The following DMD variants were observed in gnomAD, a reference collection of about 807,000 sequenced individuals.
The protein encoded by DMD is dystrophin.
In DMD, 63 loss-of-function variants were observed where a neutral mutation model predicts 330.1. That is an observed-to-expected ratio of 0.19 (90% CI 0.16 to 0.24). The LOEUF (loss-of-function observed/expected upper bound fraction) is 0.24, where lower values mean the gene tolerates loss of function less well. Ranked by LOEUF, DMD falls within the 10% of genes least tolerant of loss-of-function variation. The pLI, the probability that DMD is intolerant of heterozygous loss-of-function variation, is 1.00. For missense variants in DMD, 3,344 were observed against 2,684.1 expected, an observed-to-expected ratio of 1.25 and a Z score of -5.43; for synonymous variants, 1,223 against 959.8, an observed-to-expected ratio of 1.27 and a Z score of -5.07.
intron 50 of DMD, among the ~76,000 whole-genome samples, chrX:31,815,029 A>G (rs1026673278): frequency 4.5e-5 from 5 of 112,327 alleles, no homozygotes; most frequent in African/African-American, 1.6e-4. Context: ...ACTGGATCTC[A>G]TTGGAATCCC....
intron 6 of DMD, among the ~76,000 whole-genome samples, chrX:32,811,619 T>C (rs2077374953): frequency 8.9e-6 from 1 of 111,761 alleles, no homozygotes; most frequent in East Asian, 2.8e-4. Flanking sequence ...GAAACTTACA[T>C]ACCATGTTAC....
intron 44 of DMD, among the ~76,000 whole-genome samples, chrX:32,052,871 G>A (rs143555994): frequency 0.025 from 2,805 of 110,881 alleles, 78 homozygotes; most frequent in African/African-American, 0.086. Flanking sequence ...CTTTAATTAC[G>A]CACTGAGGAA....
At chrX:32,892,379 GTTTGTTTTCGTTTTTTGTTT>G (rs1298776292) in intron 2 of DMD, among the ~76,000 whole-genome samples, 1 of 109,423 alleles carries the variant, frequency 9.1e-6, no homozygotes, top group African/African-American at 3.3e-5. Flanking sequence ...ATGTTGTTTT[GTTTGTTTTCGTTTTTTGTTT>G]TTTGTTTCTT....
At chrX:31,378,845 A>G (rs12009362) in intron 60 of DMD, among the ~76,000 whole-genome samples, 9,694 of 108,424 alleles carry the variant, frequency 0.089, 1,120 homozygotes, top group African/African-American at 0.31. Flanking sequence ...TTCAACTCAC[A>G]CCTGACCTAA....
chrX:31,361,243 G>A (rs777461555), intron 60 of DMD, among the ~76,000 whole-genome samples: 4 of 111,259 alleles, frequency 3.6e-5, no homozygotes, highest in Non-Finnish European at 5.6e-5. Context: ...TAACCCATAC[G>A]ATTTTAATCA....
At chrX:32,449,815 G>C (rs1322550473) in intron 26 of DMD, among the ~76,000 whole-genome samples, 1 of 110,199 alleles carries the variant, frequency 9.1e-6, no homozygotes, top group African/African-American at 3.3e-5. Flanking sequence ...CCTGACATTA[G>C]CTTTCAAATA....
At chrX:31,896,815 A>G (rs1004896145) in intron 47 of DMD, among the ~76,000 whole-genome samples, 61 of 112,358 alleles carry the variant, frequency 5.4e-4, no homozygotes, top group Non-Finnish European at 9.8e-4. Context: ...TATCTGACTT[A>G]TAAGTAGTAC....
chrX:31,396,339 G>A (rs375232988), intron 60 of DMD, among the ~76,000 whole-genome samples: 2 of 110,038 alleles, frequency 1.8e-5, no homozygotes, highest in African/African-American at 3.3e-5. Flanking sequence ...GGGTTTCACC[G>A]TGTTAGCCAG....
chrX:31,513,705 A>T (rs755659322), intron 55 of DMD, among the ~76,000 whole-genome samples: 1 of 111,779 alleles, frequency 8.9e-6, no homozygotes, highest in Non-Finnish European at 1.9e-5. Context: ...TAGTTGTTAC[A>T]TAACAAAAAC....
At chrX:31,243,608 C>T (rs1184331255) in intron 63 of DMD, among the ~76,000 whole-genome samples, 1 of 112,604 alleles carries the variant, frequency 8.9e-6, no homozygotes, top group Non-Finnish European at 1.9e-5. Context: ...ATAAAAAATA[C>T]ACAAATATTA....
intron 9 of DMD, among the ~76,000 whole-genome samples, chrX:32,649,338 A>G (rs2059981907): frequency 9.2e-6 from 1 of 108,911 alleles, no homozygotes; most frequent in African/African-American, 3.4e-5. Context: ...GCGGATCACG[A>G]GGTCAGGAGA....
chrX:32,407,956 C>T (rs1288352072), intron 30 of DMD, among the ~76,000 whole-genome samples: 2 of 80,080 alleles, frequency 2.5e-5, no homozygotes, highest in African/African-American at 1.0e-4. Context: ...GGGAACATCA[C>T]ACACCAGGGA....
chrX:31,282,136 T>C (rs1331044155), intron 62 of DMD, among the ~76,000 whole-genome samples: 1 of 112,056 alleles, frequency 8.9e-6, no homozygotes, highest in African/African-American at 3.2e-5. Flanking sequence ...AAAACTACAG[T>C]GTTTTCTAAT....
At position 33,196,450 on chromosome X, in the gene DMD, G is replaced by A. The variant is rs183767010; in HGVS notation, c.31+14832C>T. 5.2e-3 allele frequency among the ~76,000 whole-genome samples: 573 copies of A among 111,002 alleles called. 1 individual carries two copies. The highest frequency in any genetic ancestry group is 5.7e-3 in the Non-Finnish European group (302 of 52,969). On this transcript the variant is annotated intron_variant, in intron 1 of 78. Coordinates refer to ENST00000357033, the MANE Select transcript of DMD (RefSeq NM_004006.3). ...ATCTTATTTGTTTTAGAAACTCAACGGGGGCAGCAATTACAAGGTGGGATT... is the reference window on the plus strand; with the variant it reads ...ATCTTATTTGTTTTAGAAACTCAACAGGGGCAGCAATTACAAGGTGGGATT...
At chrX:32,779,165 G>A (rs889529855) in intron 7 of DMD, among the ~76,000 whole-genome samples, 1 of 110,465 alleles carries the variant, frequency 9.1e-6, no homozygotes, top group African/African-American at 3.3e-5. Context: ...TCATTCCACT[G>A]ATAGGTGGCA....
intron 7 of DMD, among the ~76,000 whole-genome samples, chrX:32,783,240 A>G (rs1483361178): frequency 8.0e-5 from 8 of 100,408 alleles, no homozygotes; most frequent in African/African-American, 1.8e-4. Flanking sequence ...GTATATACAC[A>G]TATGTGTATA....
At chrX:32,852,840 T>C (rs1023434022) in intron 2 of DMD, among the ~76,000 whole-genome samples, 49 of 110,471 alleles carry the variant, frequency 4.4e-4, no homozygotes, top group African/African-American at 1.5e-3. Context: ...GGGACAAACT[T>C]TGTATTGTGG....
intron 1 of DMD, among the ~76,000 whole-genome samples, chrX:33,038,650 G>A (rs1448850084): frequency 8.9e-6 from 1 of 111,781 alleles, no homozygotes; most frequent in Non-Finnish European, 1.9e-5. Flanking sequence ...TATGAATTAT[G>A]TGACAGTAGA....
At chrX:32,446,043 A>G (rs1167944584) in intron 27 of DMD, among the ~76,000 whole-genome samples, 1 of 110,681 alleles carries the variant, frequency 9.0e-6, no homozygotes, top group Non-Finnish European at 1.9e-5. Context: ...AAAATATTAA[A>G]GGGAAACCAG....
Sources: gnomAD v4.1 joint callset for allele counts (sites outside exome capture counted in the v4.1 genomes callset) on GRCh38, gnomAD v4.1.1 for gene constraint, MANE v1.5 for transcripts, NCBI Gene and HGNC (gene_info 2026-07-23, HGNC 2026-07-21) for gene names.